DPY30: variants seen among roughly 807,000 people sequenced by gnomAD.
DPY30 encodes dpy-30 histone methyltransferase complex regulatory subunit, also known as protein dpy-30 homolog.
In DPY30, 6 loss-of-function variants were observed where a neutral mutation model predicts 16.2. The ratio of observed to expected loss-of-function variants is 0.37; its 90% CI spans 0.20 to 0.73. The LOEUF is 0.73. Among genes scored for constraint, DPY30 ranks in the 30% least tolerant of loss-of-function variants. The pLI is 0.51. For synonymous variants in DPY30, 39 were observed against 38.8 expected (o/e 1.00, Z -0.02); for missense variants, 73 against 113.1 (o/e 0.65, Z 1.61).
chr2:32,013,356 A>T (rs939216047), intron 5 of DPY30: 1 of 152,190 alleles, frequency 6.6e-6, no homozygotes, highest in African/African-American at 2.4e-5. Flanking sequence ...ATCACAATGC[A>T]ATTGAACTGA....
chr2:32,030,868 A>G (rs1245751685), intron 3 of DPY30, among the ~76,000 whole-genome samples: 1 of 152,130 alleles, frequency 6.6e-6, no homozygotes, highest in East Asian at 1.9e-4. Context: ...GTAAATAATA[A>G]CCCCAAAATG....
intron 3 of DPY30, among the ~76,000 whole-genome samples, chr2:32,032,735 C>T (rs1205746834): frequency 4.6e-5 from 7 of 152,314 alleles, no homozygotes; most frequent in Middle Eastern, 3.4e-3. Context: ...CAGTGGCTCA[C>T]GCCTATAATC....
intron 3 of DPY30, among the ~76,000 whole-genome samples, chr2:32,032,194 T>C (rs192217708): frequency 6.6e-6 from 1 of 152,328 alleles, no homozygotes; most frequent in Non-Finnish European, 1.5e-5. Flanking sequence ...AATCTAATTT[T>C]GGAATTAAAA....
chr2:32,039,010 G>A (rs1447812409), intron 3 of DPY30, among the ~76,000 whole-genome samples: 1 of 152,088 alleles, frequency 6.6e-6, no homozygotes, highest in Non-Finnish European at 1.5e-5. Flanking sequence ...TCGATTAAAA[G>A]CCACCAAGAA....
chr2:32,029,884 A>C, intron 3 of DPY30, 148 bp from the exon 4 acceptor site: 1 of 782,646 alleles, frequency 1.3e-6, no homozygotes, highest in Non-Finnish European at 2.0e-6. Flanking sequence ...TCTCTGCCCA[A>C]AATAAATTCA....
chr2:32,012,993 A>C (rs966152730), intron 5 of DPY30: 5 of 152,186 alleles, frequency 3.3e-5, no homozygotes, highest in Non-Finnish European at 7.3e-5. Flanking sequence ...TTAAACAAAG[A>C]AAGCTTAGTA....
Position 32,039,753 on chromosome 2 carries a change from C to T in DPY30, c.-57G>A, listed in dbSNP as rs1190808041. 1.5e-5 allele frequency: 8 copies of T among 531,748 alleles called. No individual in the cohort carries two copies. Among genetic ancestry groups the T allele is most frequent in the South Asian group, 2.2e-5 (1 of 44,504 alleles). The allele number at this position is 531,748 out of a possible 1,614,324, so 32.9% of individuals were successfully genotyped here. A position where few individuals can be genotyped will look rare whatever the true frequency, so the allele number is the denominator to read the frequency against. On this transcript the variant is annotated 5_prime_UTR_variant, in exon 1 of 5. Coordinates refer to ENST00000342166, the MANE Select transcript of DPY30 (RefSeq NM_001321209.2). ...ATTACCCGCGCCCAAGCCGTTCGTT[C>T]TTAAGAGCCCTGCACCGCGCCACCA...
At chr2:32,030,025 C>CT (rs1675472497) in intron 3 of DPY30, among the ~76,000 whole-genome samples, 1 of 149,812 alleles carries the variant, frequency 6.7e-6, no homozygotes, top group Non-Finnish European at 1.5e-5. Context: ...AATACAAATC[C>CT]TTTTTCTCTT....
chr2:32,019,863 CATAT>C (rs1285150878), downstream of DPY30, among the ~76,000 whole-genome samples: 1 of 139,216 alleles, frequency 7.2e-6, no homozygotes, highest in African/African-American at 2.6e-5. Flanking sequence ...TATACACACA[CATAT>C]ATATGTGTAT....
intron 3 of DPY30, among the ~76,000 whole-genome samples, chr2:32,037,465 C>T (rs1234352970): frequency 6.6e-6 from 1 of 151,968 alleles, no homozygotes; most frequent in African/African-American, 2.4e-5. Flanking sequence ...ACCGTCACAC[C>T]CAGCTAATTT....
chr2:32,027,571 T>G (rs1224841086), intron 4 of DPY30, among the ~76,000 whole-genome samples: 4 of 149,790 alleles, frequency 2.7e-5, no homozygotes, highest in African/African-American at 9.8e-5. Flanking sequence ...GAGCTTGATC[T>G]GTAAGACTAT....
At chr2:32,024,387 TAAATA>T in intron 4 of DPY30, 131 bp from the exon 5 acceptor site, 1 of 684,942 alleles carries the variant, frequency 1.5e-6, no homozygotes. Flanking sequence ...ACATTTGTAG[TAAATA>T]AAATAAATGA....
Position 32,024,273 on chromosome 2 carries a change from A to T in DPY30, c.228-17T>A. On this transcript the variant is annotated splice_polypyrimidine_tract_variant and intron_variant, in intron 4 of 4. Transcript: ENST00000342166. The stretch of plus-strand genomic sequence containing the variant: ...TTTGGTGGTCTGTAAGGGAAAAGAA[A>T]TCCAAAGTTTAGAAATATATTTCCT... The T allele has an allele frequency of 6.5e-7, 1 of 1,550,150 alleles. No homozygotes were observed.
At chr2:32,012,982 A>G (rs1674998470) in intron 5 of DPY30, 2 of 152,184 alleles carry the variant, frequency 1.3e-5, no homozygotes, top group South Asian at 4.1e-4. Context: ...ATTGGATACA[A>G]TTAAACAAAG....
chr2:32,034,656 G>A (rs1374237766), intron 3 of DPY30, among the ~76,000 whole-genome samples: 2 of 152,136 alleles, frequency 1.3e-5, no homozygotes, highest in African/African-American at 4.8e-5. Flanking sequence ...AATCCTTGCA[G>A]CTCACACAGG....
chr2:32,022,074 G>C (rs943189880), downstream of DPY30, among the ~76,000 whole-genome samples: 2 of 152,140 alleles, frequency 1.3e-5, no homozygotes, highest in East Asian at 3.9e-4. Context: ...GCTGGGGACA[G>C]TGGCATGCAC....
intron 5 of DPY30, among the ~76,000 whole-genome samples, chr2:32,015,798 T>G (rs1203080137): frequency 2.7e-5 from 4 of 147,004 alleles, no homozygotes; most frequent in Admixed American, 1.4e-4. Context: ...AAAGCTGCAG[T>G]GACCTATGAT....
chr2:32,030,046 CTTCT>C (rs1350096450), intron 3 of DPY30, among the ~76,000 whole-genome samples: 1 of 144,560 alleles, frequency 6.9e-6, no homozygotes, highest in Non-Finnish European at 1.5e-5. Flanking sequence ...TTTCATGTAT[CTTCT>C]TAGAGTGTGT....
downstream of DPY30, among the ~76,000 whole-genome samples, chr2:32,022,447 ATAAG>A (rs1443393995): frequency 2.0e-5 from 3 of 152,186 alleles, no homozygotes; most frequent in South Asian, 4.1e-4. Context: ...TTCTACTAAA[ATAAG>A]TATTTCCTGT....
Sources: allele counts gnomAD v4.1 joint callset (sites outside exome capture counted in the v4.1 genomes callset), GRCh38; gene constraint gnomAD v4.1.1; transcripts MANE v1.5; gene names NCBI Gene and HGNC (gene_info 2026-07-23, HGNC 2026-07-21).